Variants in VPS53 observed in about 807,000 individuals in gnomAD.
The protein encoded by VPS53 is VPS53 subunit of GARP complex, also known as vacuolar protein sorting-associated protein 53 homolog.
VPS53 carries 70 observed loss-of-function variants against 107.0 expected under a neutral mutation model. The ratio of observed to expected loss-of-function variants is 0.65; its 90% CI spans 0.54 to 0.80. The LOEUF (loss-of-function observed/expected upper bound fraction) is 0.80, where lower values mean the gene tolerates loss of function less well. VPS53 is among the 30% of genes least tolerant of loss of function. The pLI, the probability that VPS53 is intolerant of heterozygous loss-of-function variation, is 0.00. For synonymous variants in VPS53, 409 were observed against 393.3 expected, an observed-to-expected ratio of 1.04 and a Z score of -0.47; for missense variants, 917 against 1,049.4, an observed-to-expected ratio of 0.87 and a Z score of 1.74.
chr17:710,792 C>T (rs1225420145), intron 1 of VPS53, among the ~76,000 whole-genome samples, 179 bp from the exon 2 acceptor site: 1 of 151,932 alleles, frequency 6.6e-6, no homozygotes, highest in Non-Finnish European at 1.5e-5. Context: ...AAAATAAAAA[C>T]TTGGCTGGGT....
chr17:634,345 T>A (rs905450323), intron 7 of VPS53, among the ~76,000 whole-genome samples: 3 of 152,222 alleles, frequency 2.0e-5, no homozygotes, highest in Non-Finnish European at 4.4e-5. Context: ...TAGACTTCCT[T>A]GCCATGCTCT....
intron 7 of VPS53, among the ~76,000 whole-genome samples, chr17:652,704 C>A (rs1417437465): frequency 6.6e-6 from 1 of 152,158 alleles, no homozygotes; most frequent in East Asian, 1.9e-4. Flanking sequence ...CCGAGCCAGG[C>A]CAAATTATAC....
intron 5 of VPS53, among the ~76,000 whole-genome samples, chr17:657,797 C>T (rs1390432143): frequency 1.3e-5 from 2 of 152,110 alleles, no homozygotes; most frequent in African/African-American, 4.8e-5. Context: ...ATAGATACAT[C>T]CTCATTAAAG....
chr17:660,723 C>A (rs1042691110), intron 5 of VPS53, among the ~76,000 whole-genome samples: 1 of 149,986 alleles, frequency 6.7e-6, no homozygotes, highest in Non-Finnish European at 1.5e-5. Context: ...GGGTGTGGTG[C>A]ACCCTTGGGG....
intron 11 of VPS53, among the ~76,000 whole-genome samples, chr17:605,879 T>C (rs1968551788): frequency 6.6e-6 from 1 of 152,122 alleles, no homozygotes; most frequent in Admixed American, 6.5e-5. Flanking sequence ...GGGTCGGTTT[T>C]CTTCTCACTG....
chr17:647,132 C>T (rs1970744451), intron 7 of VPS53, among the ~76,000 whole-genome samples: 1 of 152,220 alleles, frequency 6.6e-6, no homozygotes, highest in South Asian at 2.1e-4. Flanking sequence ...TTCCTTCTTT[C>T]CCCCATTACT....
chr17:601,793 A>C lies in VPS53; in HGVS notation c.1218+2T>G. ...ACCCGTGGTGACGCAAACCAGACTT[A>C]CTTGATCTAAATCTCCTTTCTCCGT... On this transcript the variant is annotated splice_donor_variant, in intron 12 of 21. Coordinates refer to ENST00000437048, the MANE Select transcript of VPS53 (RefSeq NM_001128159.3). LOFTEE classifies it high-confidence loss of function. 1 of 1,595,330 alleles carries C rather than the reference A, an allele frequency of 6.3e-7. No individual in the cohort carries two copies. Among genetic ancestry groups the C allele is most frequent in the Non-Finnish European group, 8.5e-7 (1 of 1,170,890 alleles).
chr17:657,067 G>T (rs2143544544), intron 5 of VPS53: 1 of 934,296 alleles, frequency 1.1e-6, no homozygotes, highest in Non-Finnish European at 1.8e-6. Context: ...TGTCGAACGT[G>T]ATGAAATCGG....
At position 655,861 on chromosome 17, in the gene VPS53, C is replaced by T; in HGVS notation, c.465G>A (p.Leu155=). 1 of 1,613,800 alleles carries T rather than the reference C, an allele frequency of 6.2e-7. No individual in the cohort carries two copies. Among genetic ancestry groups the T allele is most frequent in the South Asian group, 1.1e-5 (1 of 91,042 alleles). The stretch of plus-strand genomic sequence containing the variant: ...ACTCGAGGGAGTCGACACCTCCTGC[C>T]AGCATGTGCAGGTGGTTCAGTGTGG... The part of the protein sequence containing the change: ...SITTLNHLHM[L]AGGVDSLEAM... Residue 155 remains leucine, a synonymous_variant, in exon 6 of 22, where the codon CTG becomes CTA. Transcript: ENST00000437048.
At chr17:685,424 T>C (rs1972550302) in intron 4 of VPS53, among the ~76,000 whole-genome samples, 2 of 152,200 alleles carry the variant, frequency 1.3e-5, no homozygotes, top group African/African-American at 4.8e-5. Flanking sequence ...TGGGTACCCA[T>C]ACAACCACTC....
chr17:558,821 T>TAAA (rs35915328), intron 15 of VPS53, among the ~76,000 whole-genome samples: 3 of 135,038 alleles, frequency 2.2e-5, no homozygotes, highest in East Asian at 2.1e-4. Context: ...CCATCTCTAC[T>TAAA]AAAAAAAAAA....
chr17:666,935 A>G (rs1971715967), intron 4 of VPS53, among the ~76,000 whole-genome samples: 2 of 152,058 alleles, frequency 1.3e-5, no homozygotes, highest in African/African-American at 4.8e-5. Context: ...AAAAATGAAG[A>G]CAGCTGCTAC....
chr17:564,841 T>C (rs951216818), intron 13 of VPS53, among the ~76,000 whole-genome samples: 1 of 152,218 alleles, frequency 6.6e-6, no homozygotes, highest in African/African-American at 2.4e-5. Flanking sequence ...AATTGTTCCG[T>C]TGAATTGTGT....
At chr17:652,104 C>T (rs924675047) in intron 7 of VPS53, among the ~76,000 whole-genome samples, 4 of 151,908 alleles carry the variant, frequency 2.6e-5, no homozygotes, top group African/African-American at 7.3e-5. Context: ...TCAAGTGACT[C>T]CTGCCTCAGC....
intron 4 of VPS53, among the ~76,000 whole-genome samples, chr17:662,667 T>C (rs1356935658): frequency 7.0e-6 from 1 of 142,114 alleles, no homozygotes; most frequent in Non-Finnish European, 1.5e-5. Flanking sequence ...CCAGCCTGGG[T>C]GACAGAGCGA....
chr17:519,199 T>G lies in VPS53; in HGVS notation c.2428A>C (p.Thr810Pro). 1.3e-6 allele frequency: 2 copies of G among 1,549,112 alleles called. No homozygotes were observed. Among genetic ancestry groups the G allele is most frequent in the South Asian group, 2.4e-5 (2 of 83,788 alleles). Residue 810 changes from threonine to proline, a missense_variant, in exon 22 of 22, where the codon ACG (threonine) becomes CCG (proline). Coordinates refer to ENST00000437048, the MANE Select transcript of VPS53 (RefSeq NM_001128159.3). This position sits in a 1 kb window ranked among gnomAD's most constrained non-coding sequence, Gnocchi z 5.0. The part of the protein sequence containing the change: ...GAESSGSLSL[T>P]APTPEQESSR... ...GACTCTTGCTCTGGTGTTGGCGCCG[T>G]CAGGGACAGTGAGCCGGAGCTTTCT... is the stretch of plus-strand genomic sequence containing the variant.
chr17:628,308 G>C, intron 8 of VPS53, 77 bp from the exon 9 acceptor site: 2 of 1,544,278 alleles, frequency 1.3e-6, no homozygotes, highest in Non-Finnish European at 1.8e-6. Context: ...GCCACTACTT[G>C]TTATCTCTAC....
chr17:658,048 TCGGCAGGGAG>T (rs1160272951), intron 5 of VPS53, among the ~76,000 whole-genome samples: 7 of 33,268 alleles, frequency 2.1e-4, no homozygotes, highest in African/African-American at 9.0e-4. Flanking sequence ...AGTGAGAAAC[TCGGCAGGGAG>T]TTCGTGGATA....
intron 11 of VPS53, among the ~76,000 whole-genome samples, chr17:610,808 C>A (rs1296607769): frequency 6.6e-6 from 1 of 150,764 alleles, no homozygotes; most frequent in Non-Finnish European, 1.5e-5. Flanking sequence ...CATGGTGCTG[C>A]GCTCCTGTGG....
Sources: allele counts gnomAD v4.1 joint callset (sites outside exome capture counted in the v4.1 genomes callset), GRCh38; gene constraint gnomAD v4.1.1; non-coding constraint Gnocchi (gnomAD v3.1); transcripts MANE v1.5; gene names NCBI Gene and HGNC (gene_info 2026-07-23, HGNC 2026-07-21).